The following FER1L5 variants were observed in gnomAD, a reference collection of about 807,000 sequenced individuals.
The protein encoded by FER1L5 is fer-1 like family member 5, also known as fer-1-like protein 5.
A neutral mutation model predicts 279.9 loss-of-function variants in FER1L5; 187 were observed. The ratio of observed to expected loss-of-function variants is 0.67; its 90% CI spans 0.59 to 0.75. The LOEUF (loss-of-function observed/expected upper bound fraction) is 0.75, where lower values mean the gene tolerates loss of function less well. Among genes scored for constraint, FER1L5 ranks in the 30% least tolerant of loss-of-function variants. The pLI, the probability that FER1L5 is intolerant of heterozygous loss-of-function variation, is 0.00. For missense variants in FER1L5, 2,091 were observed against 2,594.4 expected, an observed-to-expected ratio of 0.81 and a Z score of 4.21; for synonymous variants, 921 against 989.7, an observed-to-expected ratio of 0.93 and a Z score of 1.30.
chr2:96,672,193 C>G (rs1430717019), intron 18 of FER1L5, among the ~76,000 whole-genome samples: 2 of 152,182 alleles, frequency 1.3e-5, no homozygotes, highest in Non-Finnish European at 1.5e-5. Flanking sequence ...ATTCTCTTGC[C>G]TCAGCCTCCT....
Position 96,689,098 on chromosome 2 carries a change from C to A in FER1L5, c.2362-115C>A. 1.6e-6 allele frequency: 2 copies of A among 1,286,904 alleles called. No homozygotes were observed. Among genetic ancestry groups the A allele is most frequent in the Non-Finnish European group, 2.1e-6 (2 of 951,156 alleles). 79.7% of individuals were successfully genotyped at this position (1,286,904 alleles called of 1,614,324 possible). ...GGGGACATGGCCCTTTCTTGCCTGG[C>A]TACCACATTTTTAGGATGCCCCTGC... On this transcript the variant is annotated intron_variant, in intron 24 of 52. Coordinates refer to ENST00000624922, the MANE Select transcript of FER1L5 (RefSeq NM_001293083.2). This position sits in a 1 kb window ranked among gnomAD's most constrained non-coding sequence, Gnocchi z 4.6.
At position 96,698,035 on chromosome 2, in the gene FER1L5, A is replaced by G. The variant is rs1426230007; in HGVS notation, c.4237-2A>G. 6.4e-7 allele frequency: 1 copy of G among 1,565,698 alleles called. No homozygotes were observed. Among genetic ancestry groups the G allele is most frequent in the East Asian group, 2.4e-5 (1 of 41,898 alleles). On this transcript the variant is annotated splice_acceptor_variant, in intron 39 of 52. Coordinates refer to ENST00000624922, the MANE Select transcript of FER1L5 (RefSeq NM_001293083.2). LOFTEE classifies it high-confidence loss of function. This position sits in a 1 kb window ranked among gnomAD's most constrained non-coding sequence, Gnocchi z 5.5. Reference sequence around the variant, plus strand: ...CAGCCAGGGTTCCACACACCTCTGCAGGTGTATGAGTGTGAGCTGGAGGCC... The same window carrying G: ...CAGCCAGGGTTCCACACACCTCTGCGGGTGTATGAGTGTGAGCTGGAGGCC...
Position 96,651,998 on chromosome 2 carries a change from GA to G in FER1L5, c.614del (p.Asn205ThrfsTer26). On this transcript the variant is annotated frameshift_variant, in exon 7 of 53. Coordinates refer to ENST00000624922, the MANE Select transcript of FER1L5 (RefSeq NM_001293083.2). LOFTEE classifies it high-confidence loss of function. ...GQQHQTRIKM[G>X]NNPFFNEIFF... ...CAGCACCAGACACGCATCAAGATGG[GA>G]AACAACCCTTTCTTTAATGAGGTGG... 1 of 1,551,798 alleles carries G rather than the reference GA, an allele frequency of 6.4e-7. No homozygotes were observed. The highest frequency in any genetic ancestry group is 8.7e-7 in the Non-Finnish European group (1 of 1,147,008).
At position 96,657,410 on chromosome 2, in the gene FER1L5, A is replaced by G. The variant is rs975199653; in HGVS notation, c.747+2914A>G. Among the ~76,000 whole-genome samples, 6 of 152,262 alleles carry G rather than the reference A, an allele frequency of 3.9e-5. No individual in the cohort carries two copies. In the East Asian group the frequency reaches 1.2e-3, roughly 29 times the overall value. On this transcript the variant is annotated intron_variant, in intron 9 of 52. Transcript: ENST00000624922. ...TATGTTATGGTTTTATTGAGGTGTC[A>G]TTGACATACAATTAATGGTACATAT...
Position 96,698,523 on chromosome 2 carries a change from CT to C in FER1L5, c.4357-147del. ...GGGCCCTGCTGAACACCTTCTGTAC[CT>C]GCCTCCACTGTCCTCATGGCCTTCT... On this transcript the variant is annotated intron_variant, in intron 40 of 52. Transcript: ENST00000624922. This position sits in a 1 kb window ranked among gnomAD's most constrained non-coding sequence, Gnocchi z 5.5. 1.4e-6 allele frequency: 1 copy of C among 696,512 alleles called. No homozygotes were observed. The highest frequency in any genetic ancestry group is 2.7e-5 in the East Asian group (1 of 36,914). The allele number at this position is 696,512 out of a possible 1,614,324, so 43.1% of individuals were successfully genotyped here.
chr2:96,699,837 T>C, intron 43 of FER1L5, 95 bp from the exon 44 acceptor site: 1 of 1,578,464 alleles, frequency 6.3e-7, no homozygotes, highest in Non-Finnish European at 8.6e-7. Flanking sequence ...CTGCCCAGTC[T>C]CCACCCAAGC....
rs1309043546 is a variant in FER1L5, at chr2:96,647,109, T to A, written c.184T>A (p.Phe62Ile). The A allele has an allele frequency of 4.5e-6, 7 of 1,551,638 alleles. No individual in the cohort carries two copies. Among genetic ancestry groups the A allele is most frequent in the Middle Eastern group, 1.7e-4 (1 of 5,992 alleles). Residue 62 changes from phenylalanine to isoleucine, a missense_variant, in exon 3 of 53, where the codon TTC becomes ATC. Coordinates refer to ENST00000624922, the MANE Select transcript of FER1L5 (RefSeq NM_001293083.2). ...GAACCGCCCCCTGGAAAATGACTCC[T>A]TCCTGCAAGTCACCCTTCAGGACAT... ...LWNRPLENDS[F>I]LQVTLQDMGS...
At position 96,689,213 on chromosome 2, in the gene FER1L5, T is replaced by A; in HGVS notation, c.2362T>A (p.Tyr788Asn). ...GCCCTGACAAGCTTCCCTCCCCTAG[T>A]ATGAGAATCAGGCCAAGTATAAAGA... ...QGDTAVYAEM[Y>N]ENQAKYKDQW... The change falls in exon 25 of 53, where the codon TAT (tyrosine) becomes AAT (asparagine). Residue 788 changes from tyrosine (Y) to asparagine (N), a missense_variant and splice_region_variant. Tyr to Asn is a moderately radical substitution (Grantham distance 143). Coordinates refer to ENST00000624922, the MANE Select transcript of FER1L5 (RefSeq NM_001293083.2). The surrounding 1 kb of genome is among the most constrained non-coding windows in gnomAD (Gnocchi z 4.6). 6.5e-7 allele frequency: 1 copy of A among 1,549,742 alleles called. No homozygotes were observed. The highest frequency in any genetic ancestry group is 1.2e-5 in the South Asian group (1 of 83,974).
At chr2:96,668,007 A>AGT (rs1365824184) in intron 14 of FER1L5, among the ~76,000 whole-genome samples, 2 of 151,814 alleles carry the variant, frequency 1.3e-5, no homozygotes, top group Non-Finnish European at 2.9e-5. Context: ...ACTATAGGTG[A>AGT]GTGCCACCAC....
At chr2:96,667,466 G>A (rs1295631263) in intron 14 of FER1L5, among the ~76,000 whole-genome samples, 1 of 151,322 alleles carries the variant, frequency 6.6e-6, no homozygotes, top group Non-Finnish European at 1.5e-5. Flanking sequence ...TCCTGCCTCA[G>A]CCTCCCGAGT....
intron 9 of FER1L5, among the ~76,000 whole-genome samples, chr2:96,656,873 C>A (rs558646380): frequency 2.0e-5 from 3 of 151,224 alleles, no homozygotes; most frequent in Non-Finnish European, 2.9e-5. Flanking sequence ...ATTCCCCCAC[C>A]CCATTTCCCT....
chr2:96,664,179 A>T (rs2076049795), intron 14 of FER1L5, among the ~76,000 whole-genome samples: 2 of 150,742 alleles, frequency 1.3e-5, no homozygotes, highest in Admixed American at 1.3e-4. Flanking sequence ...GGAAGGAGGG[A>T]TGGAAGGGGA....
intron 9 of FER1L5, among the ~76,000 whole-genome samples, chr2:96,657,218 G>A (rs150983942): frequency 0.011 from 1,678 of 151,736 alleles, 34 homozygotes; most frequent in African/African-American, 0.039. Context: ...GGAACCACAG[G>A]CACGTGCCAC....
At chr2:96,656,944 A>G (rs2075622348) in intron 9 of FER1L5, among the ~76,000 whole-genome samples, 1 of 151,978 alleles carries the variant, frequency 6.6e-6, no homozygotes, top group South Asian at 2.1e-4. Context: ...CAGAAGGCAC[A>G]GAATGTCTGC....
At chr2:96,688,332 G>A (rs906101073) in intron 24 of FER1L5, among the ~76,000 whole-genome samples, 4 of 152,182 alleles carry the variant, frequency 2.6e-5, no homozygotes, top group African/African-American at 9.7e-5. Flanking sequence ...CTGACTTGCA[G>A]GGGCCTCACC....
intron 19 of FER1L5, among the ~76,000 whole-genome samples, chr2:96,678,102 CT>C (rs60088196): frequency 0.044 from 6,408 of 146,392 alleles, 296 homozygotes; most frequent in African/African-American, 0.12. Flanking sequence ...CACTGAGCAC[CT>C]TTTTTTTTTT....
At chr2:96,667,348 T>C (rs1367277341) in intron 14 of FER1L5, among the ~76,000 whole-genome samples, 2 of 140,706 alleles carry the variant, frequency 1.4e-5, no homozygotes, top group African/African-American at 5.2e-5. Flanking sequence ...TTATTTATTC[T>C]TTTTTTTTTT....
intron 39 of FER1L5, 55 bp from the exon 40 acceptor site, chr2:96,697,982 A>G (rs1355040390): frequency 6.5e-7 from 1 of 1,529,840 alleles, no homozygotes; most frequent in South Asian, 1.2e-5. Context: ...TGGTCCCTCC[A>G]TCTCCTAATC....
At position 96,661,600 on chromosome 2, in the gene FER1L5, CA is replaced by C. The variant is rs369944625; in HGVS notation, c.895-65del. The C allele has an allele frequency of 9.3e-3, 14,428 of 1,545,142 alleles. 116 individuals are homozygous for C. Among genetic ancestry groups the C allele is most frequent in the South Asian group, 0.029 (2,460 of 83,444 alleles). On this transcript the variant is annotated intron_variant, in intron 11 of 52. Coordinates refer to ENST00000624922, the MANE Select transcript of FER1L5 (RefSeq NM_001293083.2). ...TGCACCAAGTGGGAAGTTGGAGAAG[CA>C]AAGTCTGGTGTCCTTGCCTGTGACC...
Sources: allele counts gnomAD v4.1 joint callset (sites outside exome capture counted in the v4.1 genomes callset), GRCh38; gene constraint gnomAD v4.1.1; non-coding constraint Gnocchi (gnomAD v3.1); transcripts MANE v1.5; gene names NCBI Gene and HGNC (gene_info 2026-07-23, HGNC 2026-07-21).